KIF16B: variants seen among roughly 807,000 people sequenced by gnomAD.
KIF16B encodes kinesin family member 16B.
A neutral mutation model predicts 156.3 loss-of-function variants in KIF16B; 98 were observed. That is an observed-to-expected ratio of 0.63 (90% CI 0.53 to 0.74). The LOEUF (loss-of-function observed/expected upper bound fraction) is 0.74. KIF16B is among the 30% of genes least tolerant of loss of function. KIF16B has a pLI of 0.00. For synonymous variants in KIF16B, 564 were observed against 583.7 expected (o/e 0.97, Z 0.49); for missense variants, 1,421 against 1,606.5 (o/e 0.88, Z 1.97).
chr20:16,328,707 G>A (rs2063898180), intron 24 of KIF16B, among the ~76,000 whole-genome samples: 1 of 152,128 alleles, frequency 6.6e-6, no homozygotes, highest in Admixed American at 6.6e-5. Flanking sequence ...GAAATTTACT[G>A]CTCACAGTTC....
At chr20:16,513,127 G>A (rs902152729) in intron 4 of KIF16B, among the ~76,000 whole-genome samples, 2 of 152,140 alleles carry the variant, frequency 1.3e-5, no homozygotes, top group African/African-American at 4.8e-5. Flanking sequence ...TATACAGGCT[G>A]GGACTCTGAT....
chr20:16,531,401 T>C (rs968660267), intron 1 of KIF16B, among the ~76,000 whole-genome samples: 2 of 152,180 alleles, frequency 1.3e-5, no homozygotes, highest in East Asian at 3.9e-4. Flanking sequence ...TAACAAAATA[T>C]CATTTCGTCA....
chr20:16,317,927 G>A (rs766917449), intron 24 of KIF16B, among the ~76,000 whole-genome samples: 2 of 152,216 alleles, frequency 1.3e-5, no homozygotes, highest in South Asian at 4.1e-4. Context: ...ACAGAGGCAG[G>A]AGACGCCAGA....
intron 12 of KIF16B, among the ~76,000 whole-genome samples, chr20:16,486,822 T>A (rs1212853440): frequency 6.6e-6 from 1 of 152,176 alleles, no homozygotes; most frequent in Admixed American, 6.6e-5. Context: ...GAGTTGCTGG[T>A]AAGGAAGCTG....
chr20:16,325,552 A>T (rs930359442), intron 24 of KIF16B, among the ~76,000 whole-genome samples: 2 of 86,930 alleles, frequency 2.3e-5, no homozygotes, highest in African/African-American at 1.2e-4. Context: ...CCCTTTTACA[A>T]TAGCTGAAAA....
chr20:16,450,039 CTATGGACAGG>C (rs2067036244), intron 12 of KIF16B, among the ~76,000 whole-genome samples: 1 of 152,160 alleles, frequency 6.6e-6, no homozygotes, highest in Non-Finnish European at 1.5e-5. Context: ...AATTAATATA[CTATGGACAGG>C]CTGGGCCATG....
At chr20:16,313,890 A>G (rs2063658281) in intron 24 of KIF16B, among the ~76,000 whole-genome samples, 2 of 152,200 alleles carry the variant, frequency 1.3e-5, no homozygotes, top group African/African-American at 4.8e-5. Context: ...TTGTGCTGCT[A>G]TGATCACTTT....
At chr20:16,506,333 T>C (rs1209707612) in intron 7 of KIF16B, 143 bp from the exon 8 acceptor site, 6 of 665,604 alleles carry the variant, frequency 9.0e-6, no homozygotes, top group South Asian at 7.6e-5. Flanking sequence ...CTGGCCTTCC[T>C]ACTGATTACA....
chr20:16,289,836 G>A lies in KIF16B; in HGVS notation c.3796-16425C>T, dbSNP rs150014708. 7.9e-4 allele frequency among the ~76,000 whole-genome samples: 120 copies of A among 152,270 alleles called. 1 individual carries two copies. The highest frequency in any genetic ancestry group is 1.5e-3 in the Non-Finnish European group (99 of 68,024). ...AACCTGGGTGACAGAGCCAGACTCC[G>A]TCTCAAAAACAAACAAAGAAAAGAG... On this transcript the variant is annotated intron_variant, in intron 25 of 25. Transcript: ENST00000354981.
chr20:16,457,358 T>G (rs1172198187), intron 12 of KIF16B, among the ~76,000 whole-genome samples: 1 of 152,222 alleles, frequency 6.6e-6, no homozygotes, highest in African/African-American at 2.4e-5. Flanking sequence ...AAAACTTCTA[T>G]TAGCAATATC....
At chr20:16,356,561 G>A (rs1446068441) in intron 22 of KIF16B, 109 bp from the exon 23 acceptor site, 3 of 1,203,946 alleles carry the variant, frequency 2.5e-6, no homozygotes, top group Admixed American at 2.3e-5. Context: ...AGAGAAAAGA[G>A]CATCAAACCA....
At chr20:16,352,305 C>T (rs2064352858) in intron 23 of KIF16B, among the ~76,000 whole-genome samples, 1 of 152,216 alleles carries the variant, frequency 6.6e-6, no homozygotes, top group South Asian at 2.1e-4. Context: ...TAAATGAGAT[C>T]AAACAACAAA....
chr20:16,277,373 C>T (rs1320740115), intron 25 of KIF16B, among the ~76,000 whole-genome samples: 1 of 151,626 alleles, frequency 6.6e-6, no homozygotes, highest in East Asian at 1.9e-4. Flanking sequence ...TATCACTATC[C>T]TTCCAATAAA....
chr20:16,367,973 C>T (rs1046407517), intron 22 of KIF16B: 231 of 1,438,096 alleles, frequency 1.6e-4, no homozygotes, highest in Non-Finnish European at 2.0e-4. Context: ...CTCATTGAGC[C>T]GAGATTATCT....
chr20:16,429,799 C>G lies in KIF16B; in HGVS notation c.1422+64G>C. On this transcript the variant is annotated intron_variant, in intron 13 of 25. Transcript: ENST00000354981. Reference sequence around the variant, plus strand: ...ATGACCATAGAATATTATAATAAACCTAGTTAGTGTCTAATGGAGAAACTG... The same window carrying G: ...ATGACCATAGAATATTATAATAAACGTAGTTAGTGTCTAATGGAGAAACTG... 7 of 1,373,654 alleles carry G rather than the reference C, an allele frequency of 5.1e-6. No individual in the cohort carries two copies. In the South Asian group the frequency reaches 8.3e-5, roughly 16 times the overall value. 85.1% of individuals were successfully genotyped at this position (1,373,654 alleles called of 1,614,324 possible).
At chr20:16,329,819 T>C (rs1037594472) in intron 24 of KIF16B, among the ~76,000 whole-genome samples, 1 of 152,022 alleles carries the variant, frequency 6.6e-6, no homozygotes, top group African/African-American at 2.4e-5. Flanking sequence ...AATGAATAAA[T>C]AAAAATACAA....
chr20:16,563,533 T>C lies in KIF16B; in HGVS notation c.47+9696A>G, dbSNP rs561928410. On this transcript the variant is annotated intron_variant, in intron 1 of 25. Transcript: ENST00000354981. ...AACAGCCAAAGCTATCAAAATAACT[T>C]AGAAAAACAGTCAAGAAACAAGGAA... is the stretch of plus-strand genomic sequence containing the variant. Among the ~76,000 whole-genome samples the C allele has an allele frequency of 2.0e-5, 3 of 152,232 alleles. No homozygotes were observed. In the East Asian group the frequency reaches 5.8e-4, roughly 29 times the overall value.
At chr20:16,460,856 C>T (rs996550404) in intron 12 of KIF16B, among the ~76,000 whole-genome samples, 1 of 151,304 alleles carries the variant, frequency 6.6e-6, no homozygotes, top group Admixed American at 6.6e-5. Flanking sequence ...GATGAAAATC[C>T]CCACACATCA....
intron 25 of KIF16B, among the ~76,000 whole-genome samples, chr20:16,288,057 A>C (rs1159156511): frequency 1.3e-5 from 2 of 152,190 alleles, no homozygotes; most frequent in Non-Finnish European, 2.9e-5. Flanking sequence ...GTTTGGCAAC[A>C]AGCTCAATAT....
Sources: allele counts gnomAD v4.1 joint callset (sites outside exome capture counted in the v4.1 genomes callset), GRCh38; gene constraint gnomAD v4.1.1; transcripts MANE v1.5; gene names NCBI Gene and HGNC (gene_info 2026-07-23, HGNC 2026-07-21).